KIAA0930: variants seen among roughly 807,000 people sequenced by gnomAD.
The protein encoded by KIAA0930 is KIAA0930.
KIAA0930 carries 24 observed loss-of-function variants against 43.9 expected under a neutral mutation model. The observed-to-expected ratio is 0.55, with a 90% CI of 0.40 to 0.77. The LOEUF is 0.77. Among genes scored for constraint, KIAA0930 ranks in the 30% least tolerant of loss-of-function variants. The pLI, the probability that KIAA0930 is intolerant of heterozygous loss-of-function variation, is 0.00. For missense variants in KIAA0930, 461 were observed against 574.2 expected, an observed-to-expected ratio of 0.80 and a Z score of 2.02; for synonymous variants, 259 against 216.4, an observed-to-expected ratio of 1.20 and a Z score of -1.73.
In KIAA0930 at chr22:45,200,031, G is replaced by A; in HGVS notation, c.857C>T (p.Thr286Ile). ...SPASPMHERV[T>I]SFSTPPTPER... ...TGGGGTGGGGGGTGTGCTGAAGGAG[G>A]TCACCTGGGAACAAGCAGCCAAAGT... The change falls in exon 8 of 10, where the codon ACC becomes ATC. Residue 286 changes from threonine (T) to isoleucine (I), a missense_variant. Transcript: ENST00000336156. 1.3e-6 allele frequency: 2 copies of A among 1,588,410 alleles called. No individual in the cohort carries two copies. The highest frequency in any genetic ancestry group is 8.6e-7 in the Non-Finnish European group (1 of 1,167,938).
intron 2 of KIAA0930, among the ~76,000 whole-genome samples, chr22:45,206,951 G>C (rs562107596): frequency 6.6e-6 from 1 of 151,912 alleles, no homozygotes; most frequent in African/African-American, 2.4e-5. Context: ...TGCCCACCTC[G>C]GCCTCCTAAA....
At chr22:45,213,966 G>A (rs1172699550) in intron 1 of KIAA0930, among the ~76,000 whole-genome samples, 1 of 151,844 alleles carries the variant, frequency 6.6e-6, no homozygotes, top group Non-Finnish European at 1.5e-5. Context: ...AGCCGAGATC[G>A]CACCATTGCA....
intron 5 of KIAA0930, among the ~76,000 whole-genome samples, chr22:45,204,688 AGCTGCGACCG>A (rs1401100435): frequency 2.4e-4 from 37 of 151,494 alleles, no homozygotes; most frequent in African/African-American, 8.7e-4. Flanking sequence ...GCAGGGAGTG[AGCTGCGACCG>A]GCTCCCTCCC....
At chr22:45,212,284 G>T (rs1280863857) in intron 1 of KIAA0930, 177 bp from the exon 2 acceptor site, 1 of 1,613,074 alleles carries the variant, frequency 6.2e-7, no homozygotes, top group Non-Finnish European at 8.5e-7. Context: ...ATCCAGAGAG[G>T]CTGGAGGACA....
Position 45,214,015 on chromosome 22 carries a change from A to G in KIAA0930, c.65-1908T>C, listed in dbSNP as rs890462245. Among the ~76,000 whole-genome samples, 4 of 152,104 alleles carry G rather than the reference A, an allele frequency of 2.6e-5. No individual in the cohort carries two copies. In the South Asian group the frequency reaches 8.3e-4, roughly 32 times the overall value. On this transcript the variant is annotated intron_variant, in intron 1 of 9. Transcript: ENST00000336156. ...GACAGAGCAAGACTCCATCTCGGAA[A>G]TAAATAAATAAATAAGCCAGGCATG...
At chr22:45,203,493 T>A (rs1352300722) in intron 6 of KIAA0930, among the ~76,000 whole-genome samples, 1 of 151,938 alleles carries the variant, frequency 6.6e-6, no homozygotes, top group African/African-American at 2.4e-5. Context: ...GCTTGCTTAG[T>A]TGGGGGCGAC....
intron 1 of KIAA0930, chr22:45,212,430 ACGC>A (rs2083703366): frequency 6.6e-7 from 1 of 1,507,162 alleles, no homozygotes; most frequent in African/African-American, 1.4e-5. Context: ...GGAGCCAGGA[ACGC>A]CACTGGCTGG....
chr22:45,226,120 T>C (rs2083798597), intron 1 of KIAA0930: 2 of 402,722 alleles, frequency 5.0e-6, no homozygotes, highest in African/African-American at 2.1e-5. Flanking sequence ...CCTCGGTGCG[T>C]TCAGAGAGCA....
intron 1 of KIAA0930, among the ~76,000 whole-genome samples, chr22:45,222,395 A>T (rs1030209260): frequency 6.6e-6 from 1 of 152,032 alleles, no homozygotes; most frequent in African/African-American, 2.4e-5. Flanking sequence ...TGCAACTTTG[A>T]CCTCAACAGG....
At chr22:45,228,532 C>T (rs369633493) in intron 1 of KIAA0930, among the ~76,000 whole-genome samples, 10 of 152,150 alleles carry the variant, frequency 6.6e-5, no homozygotes, top group African/African-American at 2.2e-4. Context: ...AGCCCAGAGG[C>T]CTACAGTGAC....
chr22:45,205,945 G>A (rs754720281), intron 2 of KIAA0930, 33 bp from the exon 3 acceptor site: 3 of 1,608,072 alleles, frequency 1.9e-6, no homozygotes, highest in Admixed American at 1.7e-5. Context: ...GAGTGCCCAG[G>A]GCCCACTGTG....
intron 1 of KIAA0930, among the ~76,000 whole-genome samples, chr22:45,229,640 G>A (rs569129856): frequency 6.4e-4 from 98 of 152,316 alleles, no homozygotes; most frequent in African/African-American, 1.3e-3. Flanking sequence ...CCCCCTCTCC[G>A]CCAACAACGG....
At chr22:45,203,328 C>T in intron 6 of KIAA0930, 144 bp from the exon 7 acceptor site, 1 of 800,218 alleles carries the variant, frequency 1.2e-6, no homozygotes, top group South Asian at 1.8e-5. Context: ...GCAGGCGGGG[C>T]AGCTGGAATG....
chr22:45,213,549 A>C, intron 1 of KIAA0930: 1 of 1,151,758 alleles, frequency 8.7e-7, no homozygotes, highest in South Asian at 1.6e-5. Context: ...GCGTTTTTGC[A>C]ACAGGCAAAG....
Position 45,198,495 on chromosome 22 carries a change from C to A in KIAA0930, c.1016-547G>T, listed in dbSNP as rs534746502. On this transcript the variant is annotated intron_variant, in intron 8 of 9. Coordinates refer to ENST00000336156, the MANE Select transcript of KIAA0930 (RefSeq NM_001009880.2). ...AGCAGGTCGAGGCCAGTGCTGGAGTCCCTGACCCAGGCCAGGGCCTTGAGC... is the reference window on the plus strand; with the variant it reads ...AGCAGGTCGAGGCCAGTGCTGGAGTACCTGACCCAGGCCAGGGCCTTGAGC... 7.2e-5 allele frequency among the ~76,000 whole-genome samples: 11 copies of A among 152,362 alleles called. No individual in the cohort carries two copies. In the East Asian group the frequency reaches 2.1e-3, roughly 29 times the overall value.
At chr22:45,228,592 T>C (rs1461964945) in intron 1 of KIAA0930, among the ~76,000 whole-genome samples, 2 of 152,130 alleles carry the variant, frequency 1.3e-5, no homozygotes, top group African/African-American at 4.8e-5. Context: ...ATTGCCCTTT[T>C]CCTGCCGCCT....
chr22:45,208,599 G>T (rs1254384677), intron 2 of KIAA0930, among the ~76,000 whole-genome samples: 2 of 152,124 alleles, frequency 1.3e-5, no homozygotes, highest in South Asian at 4.1e-4. Context: ...CTGCCCAGGG[G>T]GAGGTTGAGC....
chr22:45,229,206 C>G (rs1406305785), intron 1 of KIAA0930, among the ~76,000 whole-genome samples: 1 of 33,798 alleles, frequency 3.0e-5, no homozygotes, highest in Non-Finnish European at 6.0e-5. Flanking sequence ...CCCCATCCCC[C>G]CCACCACCAA....
chr22:45,218,369 A>G (rs2083746950), intron 1 of KIAA0930, among the ~76,000 whole-genome samples: 1 of 111,000 alleles, frequency 9.0e-6, no homozygotes, highest in Admixed American at 1.1e-4. Flanking sequence ...TTTTTAGTAG[A>G]GACAGGGTTT....
Sources: allele counts gnomAD v4.1 joint callset (sites outside exome capture counted in the v4.1 genomes callset), GRCh38; gene constraint gnomAD v4.1.1; transcripts MANE v1.5; gene names NCBI Gene and HGNC (gene_info 2026-07-23, HGNC 2026-07-21).